MED25: variants seen among roughly 807,000 people sequenced by gnomAD.
The protein encoded by MED25 is mediator complex subunit 25, also known as mediator of RNA polymerase II transcription subunit 25.
A neutral mutation model predicts 89.4 loss-of-function variants in MED25; 62 were observed. That is an observed-to-expected ratio of 0.69 (90% confidence interval 0.57 to 0.86). The LOEUF is 0.86. Ranked by LOEUF, MED25 falls within the 40% of genes least tolerant of loss-of-function variation. The pLI, the probability that MED25 is intolerant of heterozygous loss-of-function variation, is 0.00. For synonymous variants in MED25, 449 were observed against 427.9 expected (o/e 1.05, Z -0.61); for missense variants, 905 against 1,005.2 (o/e 0.90, Z 1.35).
At chr19:49,825,179 A>G (rs16981464) in intron 3 of MED25, among the ~76,000 whole-genome samples, 4,138 of 152,248 alleles carry the variant, frequency 0.027, 93 homozygotes, top group South Asian at 0.12. Context: ...CTTAGTGTTC[A>G]ATAAGAGAAA....
At chr19:49,828,014 G>A (rs1177057417) in intron 3 of MED25, among the ~76,000 whole-genome samples, 12 of 152,134 alleles carry the variant, frequency 7.9e-5, no homozygotes, top group Admixed American at 7.9e-4. Context: ...TGGATCATGA[G>A]GTCAGGAGAT....
rs1431499093 is a variant in MED25, at chr19:49,835,499, C to T, written c.1675-35C>T. ...GCCTCAGATTCAGGATGCCACCACC[C>T]TCAGTTACTGACCTGCCCCTCTCTC... On this transcript the variant is annotated intron_variant, in intron 14 of 17. Transcript: ENST00000312865. This position sits in a 1 kb window ranked among gnomAD's most constrained non-coding sequence, Gnocchi z 6.2. 1 of 1,512,494 alleles carries T rather than the reference C, an allele frequency of 6.6e-7. No individual in the cohort carries two copies. The allele number at this position is 1,512,494 out of a possible 1,614,324, so 93.7% of individuals were successfully genotyped here.
Position 49,819,288 on chromosome 19 carries a change from T to A in MED25, c.297T>A (p.Asp99Glu). 6.3e-7 allele frequency: 1 copy of A among 1,585,476 alleles called. No individual in the cohort carries two copies. The change falls in exon 3 of 18, where the codon GAT (aspartate) becomes GAA (glutamate). Residue 99 changes from aspartate to glutamate, a missense_variant. Around this residue, in one of 3 missense-constraint regions of MED25, gnomAD observed 501 missense variants for 526.9 expected, o/e 0.95. Coordinates refer to ENST00000312865, the MANE Select transcript of MED25 (RefSeq NM_030973.4). ...CCTATGAGTTTGTCACCTGGCTCGATGGCATTAAGTGAGCTTTCCCCCACT... is the reference window on the plus strand; with the variant it reads ...CCTATGAGTTTGTCACCTGGCTCGAAGGCATTAAGTGAGCTTTCCCCCACT... ...SSAYEFVTWL[D>E]GIKFMGGGGE...
chr19:49,823,545 A>G (rs2073997302), intron 3 of MED25, among the ~76,000 whole-genome samples: 2 of 152,158 alleles, frequency 1.3e-5, no homozygotes, highest in Admixed American at 1.3e-4. Context: ...TGTTGTTAGA[A>G]GATCACAGGA....
chr19:49,833,572 T>C (rs1367051624), intron 13 of MED25: 2 of 152,248 alleles, frequency 1.3e-5, no homozygotes, highest in African/African-American at 4.8e-5. Context: ...TGAGAGTTAG[T>C]ACTTCCGGCT....
At position 49,831,708 on chromosome 19, in the gene MED25, G is replaced by A. The variant is rs1054633228; in HGVS notation, c.1231-228G>A. On this transcript the variant is annotated intron_variant, in intron 10 of 17. Transcript: ENST00000312865. This position sits in a 1 kb window ranked among gnomAD's most constrained non-coding sequence, Gnocchi z 5.0. Reference sequence around the variant, plus strand: ...GATTTGGGGCCCAGAGAAGAGCCCAGGCGATGTATCATCTGGGGCACAGTG... The same window carrying A: ...GATTTGGGGCCCAGAGAAGAGCCCAAGCGATGTATCATCTGGGGCACAGTG... Among the ~76,000 whole-genome samples the A allele has an allele frequency of 6.6e-6, 1 of 152,264 alleles. No individual in the cohort carries two copies. Among genetic ancestry groups the A allele is most frequent in the Admixed American group, 6.5e-5 (1 of 15,298 alleles).
At position 49,829,565 on chromosome 19, in the gene MED25, C is replaced by T. The variant is rs2074038538; in HGVS notation, c.526-221C>T. 6.6e-6 allele frequency among the ~76,000 whole-genome samples: 1 copy of T among 152,200 alleles called. No homozygotes were observed. The highest frequency in any genetic ancestry group is 6.5e-5 in the Admixed American group (1 of 15,286). ...AAATCCTGGGATTACAGACGTGAGC[C>T]TCCACACCTGGCCCACTTAGTCTTA... On this transcript the variant is annotated intron_variant, in intron 5 of 17. Coordinates refer to ENST00000312865, the MANE Select transcript of MED25 (RefSeq NM_030973.4). The surrounding 1 kb of genome is among the most constrained non-coding windows in gnomAD (Gnocchi z 4.6).
downstream of MED25, chr19:49,838,979 G>A (rs2074117513): frequency 2.9e-6 from 1 of 349,634 alleles, no homozygotes; most frequent in Admixed American, 4.0e-5. Context: ...ACACATGACT[G>A]TTGAGACCGT....
At position 49,830,497 on chromosome 19, in the gene MED25, C is replaced by T; in HGVS notation, c.820-14C>T. On this transcript the variant is annotated splice_polypyrimidine_tract_variant and intron_variant, in intron 7 of 17. Transcript: ENST00000312865. The surrounding 1 kb of genome is among the most constrained non-coding windows in gnomAD (Gnocchi z 4.6). Reference sequence around the variant, plus strand: ...TCCTCACCAGTCCCTTCCCTTCTTCCCTTCTACCCACAGGTTCCCGGGAAC... The same window carrying T: ...TCCTCACCAGTCCCTTCCCTTCTTCTCTTCTACCCACAGGTTCCCGGGAAC... The T allele has an allele frequency of 6.2e-7, 1 of 1,613,464 alleles. No individual in the cohort carries two copies. The highest frequency in any genetic ancestry group is 1.3e-5 in the African/African-American group (1 of 75,032).
Position 49,828,485 on chromosome 19 carries a change from C to G in MED25, c.342C>G (p.Ile114Met), listed in dbSNP as rs367931150. The stretch of plus-strand genomic sequence containing the variant: ...GGGGTGGTGAGAGCTGCAGCCTCAT[C>G]GCGGAAGGACTCAGCACAGCCTTGC... ...MGGGGESCSL[I>M]AEGLSTALQL... Residue 114 changes from isoleucine (I) to methionine (M), a missense_variant, in exon 4 of 18, where the codon ATC (isoleucine) becomes ATG (methionine). By Grantham distance (10) the Ile-to-Met change is conservative (BLOSUM62 1). Coordinates refer to ENST00000312865, the MANE Select transcript of MED25 (RefSeq NM_030973.4). The G allele has an allele frequency of 6.2e-7, 1 of 1,614,092 alleles. No homozygotes were observed. Among genetic ancestry groups the G allele is most frequent in the Non-Finnish European group, 8.5e-7 (1 of 1,179,992 alleles).
intron 3 of MED25, among the ~76,000 whole-genome samples, chr19:49,821,489 G>A (rs577230897): frequency 1.3e-5 from 2 of 152,160 alleles, no homozygotes; most frequent in Non-Finnish European, 1.5e-5. Context: ...TTTGTAGGTC[G>A]GGCGTGGTGG....
chr19:49,823,629 C>T (rs146204698), intron 3 of MED25, among the ~76,000 whole-genome samples: 58 of 152,248 alleles, frequency 3.8e-4, no homozygotes, highest in African/African-American at 1.2e-3. Context: ...CTGTTCGTAG[C>T]GGCCGTTACC....
Position 49,830,839 on chromosome 19 carries a change from CCCTGGCTCCGG to C in MED25, c.1063_1073del (p.Gly355HisfsTer40). On this transcript the variant is annotated frameshift_variant, in exon 9 of 18. Coordinates refer to ENST00000312865, the MANE Select transcript of MED25 (RefSeq NM_030973.4). LOFTEE classifies it high-confidence loss of function. This position sits in a 1 kb window ranked among gnomAD's most constrained non-coding sequence, Gnocchi z 4.6. ...AGCCCAGTCTGGTCTCCACTGTGGC[CCCTGGCTCCGG>C]CCTGGCTCCCACGGCACAGCCCGGG... The C allele has an allele frequency of 6.2e-7, 1 of 1,612,956 alleles. No individual in the cohort carries two copies. Among genetic ancestry groups the C allele is most frequent in the South Asian group, 1.1e-5 (1 of 91,056 alleles).
rs368884119 is a variant in MED25, at chr19:49,835,822, G to C, written c.1842G>C (p.Pro614=). ...QPQPQGTAQP[P]PGAPQGPPGA... ...AGCCCCAAGGTACTGCCCAGCCCCC[G>C]CCAGGTGCCCCTCAAGGCCCTCCTG... is the stretch of plus-strand genomic sequence containing the variant. The change falls in exon 16 of 18, where the codon CCG becomes CCC. Residue 614 remains proline (P), a synonymous_variant. Transcript: ENST00000312865. This position sits in a 1 kb window ranked among gnomAD's most constrained non-coding sequence, Gnocchi z 6.2. 3.7e-6 allele frequency: 6 copies of C among 1,609,172 alleles called. No homozygotes were observed. The highest frequency in any genetic ancestry group is 5.1e-6 in the Non-Finnish European group (6 of 1,177,290).
chr19:49,825,754 C>G (rs959867332), intron 3 of MED25, among the ~76,000 whole-genome samples: 4 of 151,450 alleles, frequency 2.6e-5, no homozygotes, highest in Non-Finnish European at 5.9e-5. Flanking sequence ...TCACTTGAAC[C>G]CAGAAGTCGA....
chr19:49,831,373 C>T lies in MED25; in HGVS notation c.1142C>T (p.Pro381Leu). ...CCAGGAGGGGTGAGCGGCCCTTCCCCAGCCCAGCTGGGAGCCCCAGCCCTC... is the reference window on the plus strand; with the variant it reads ...CCAGGAGGGGTGAGCGGCCCTTCCCTAGCCCAGCTGGGAGCCCCAGCCCTC... ...VAPGGVSGPS[P>L]AQLGAPALGG... Residue 381 changes from proline (P) to leucine (L), a missense_variant, in exon 10 of 18, where the codon CCA becomes CTA. By Grantham distance (98) the Pro-to-Leu change is moderately conservative. This residue lies in a region of MED25 where 501 missense variants were observed against 526.9 expected (regional missense o/e 0.95). Coordinates refer to ENST00000312865, the MANE Select transcript of MED25 (RefSeq NM_030973.4). The surrounding 1 kb of genome is among the most constrained non-coding windows in gnomAD (Gnocchi z 5.0). 2 of 1,611,244 alleles carry T rather than the reference C, an allele frequency of 1.2e-6. No homozygotes were observed. The highest frequency in any genetic ancestry group is 1.7e-5 in the Admixed American group (1 of 59,692).
In MED25 at chr19:49,818,320, G is replaced by C. The variant is rs2073951996; in HGVS notation, c.-22G>C. 2.6e-6 allele frequency: 4 copies of C among 1,566,020 alleles called. No individual in the cohort carries two copies. Among genetic ancestry groups the C allele is most frequent in the African/African-American group, 1.4e-5 (1 of 73,654 alleles). On this transcript the variant is annotated 5_prime_UTR_variant, in exon 1 of 18. Transcript: ENST00000312865. The stretch of plus-strand genomic sequence containing the variant: ...CGGCGTCGGCTGCGGCTGCAGTGGT[G>C]GTGGCGGGTACCGCACGGGGTATGG...
chr19:49,829,908 C>T lies in MED25; in HGVS notation c.648C>T (p.Asp216=), dbSNP rs1272583262. ...PLQPPTDVSQ[D]PRHMVLVRGL... ...AGCCTCCGACAGATGTGAGCCAGGA[C>T]CCGAGGCACATGGTGCTGGTTCGGG... The change falls in exon 6 of 18, where the codon GAC becomes GAT. Residue 216 remains aspartate (D), a synonymous_variant. Transcript: ENST00000312865. The surrounding 1 kb of genome is among the most constrained non-coding windows in gnomAD (Gnocchi z 4.6). The T allele has an allele frequency of 6.2e-7, 1 of 1,613,384 alleles. No individual in the cohort carries two copies. The highest frequency in any genetic ancestry group is 2.2e-5 in the East Asian group (1 of 44,860).
At chr19:49,827,756 GTC>G (rs1661782495) in intron 3 of MED25, among the ~76,000 whole-genome samples, 1 of 152,166 alleles carries the variant, frequency 6.6e-6, no homozygotes, top group South Asian at 2.1e-4. Flanking sequence ...GGAGGCCCCC[GTC>G]TCTGGCTGGG....
Sources: allele counts gnomAD v4.1 joint callset (sites outside exome capture counted in the v4.1 genomes callset), GRCh38; gene constraint gnomAD v4.1.1; regional missense constraint gnomAD v4.1.1; non-coding constraint Gnocchi (gnomAD v3.1); transcripts MANE v1.5; gene names NCBI Gene and HGNC (gene_info 2026-07-23, HGNC 2026-07-21).